MLH3: variants seen among roughly 807,000 people sequenced by gnomAD.
MLH3 encodes DNA mismatch repair protein Mlh3.
MLH3 carries 82 observed loss-of-function variants against 122.2 expected under a neutral mutation model. The ratio of observed to expected loss-of-function variants is 0.67; its 90% CI spans 0.56 to 0.81. The LOEUF (loss-of-function observed/expected upper bound fraction) is 0.81, where lower values mean the gene tolerates loss of function less well. Among genes scored for constraint, MLH3 ranks in the 30% least tolerant of loss-of-function variants. MLH3 has a pLI of 0.00. For missense variants in MLH3, 1,539 were observed against 1,714.5 expected (o/e 0.90, Z 1.81); for synonymous variants, 524 against 599.5 (o/e 0.87, Z 1.84).
At chr14:75,031,102 G>A (rs547135666) in intron 8 of MLH3, among the ~76,000 whole-genome samples, 59 of 152,260 alleles carry the variant, frequency 3.9e-4, no homozygotes, top group African/African-American at 1.3e-3. Flanking sequence ...CCTGACTAAC[G>A]GGATGTAAGT....
chr14:75,042,251 C>T, intron 3 of MLH3, 128 bp downstream of exon 3: 1 of 809,436 alleles, frequency 1.2e-6, no homozygotes. Context: ...TTAAACAGGG[C>T]CGTGGGGAAT....
chr14:75,014,901 G>A lies in MLH3; in HGVS notation c.*2181C>T, dbSNP rs962582050. The A allele has an allele frequency of 1.7e-5, 3 of 179,780 alleles. No homozygotes were observed. Among genetic ancestry groups the A allele is most frequent in the African/African-American group, 7.1e-5 (3 of 42,384 alleles). 11.1% of individuals were successfully genotyped at this position (179,780 alleles called of 1,614,324 possible). The stretch of plus-strand genomic sequence containing the variant: ...TCTGAATTCTGGCTCTTACAGCTAA[G>A]CCTTCAGCAAACCAGTTAACAGCTC... On this transcript the variant is annotated 3_prime_UTR_variant, in exon 13 of 13. Coordinates refer to ENST00000355774, the MANE Select transcript of MLH3 (RefSeq NM_001040108.2).
rs1254846913 is a variant in MLH3, at chr14:75,014,097, G to A, written c.*2985C>T. 7 of 177,806 alleles carry A rather than the reference G, an allele frequency of 3.9e-5. No individual in the cohort carries two copies. The highest frequency in any genetic ancestry group is 7.2e-5 in the Non-Finnish European group (6 of 82,902). 11.0% of individuals were successfully genotyped at this position (177,806 alleles called of 1,614,324 possible). A position where few individuals can be genotyped will look rare whatever the true frequency, so the allele number is the denominator to read the frequency against. On this transcript the variant is annotated 3_prime_UTR_variant, in exon 13 of 13. Transcript: ENST00000355774. ...CTGGCTCCCACCCGAAGCTTCAGCT[G>A]AGCTGGCTTGTCAGGGCTCGCTAGG...
intron 6 of MLH3, among the ~76,000 whole-genome samples, chr14:75,035,535 AAC>A (rs1300521401): frequency 9.2e-5 from 14 of 152,070 alleles, no homozygotes; most frequent in African/African-American, 3.1e-4. Context: ...AAACAACAAC[AAC>A]AAAAAACTAT....
chr14:75,019,582 G>GTT (rs958110332), intron 11 of MLH3, among the ~76,000 whole-genome samples: 5 of 152,074 alleles, frequency 3.3e-5, no homozygotes, highest in African/African-American at 1.2e-4. Flanking sequence ...GGCTTTCAGA[G>GTT]TTTTTCTCCA....
At position 75,030,688 on chromosome 14, in the gene MLH3, T is replaced by C. The variant is rs1890990437; in HGVS notation, c.3842A>G (p.Asn1281Ser). Residue 1281 changes from asparagine to serine, a missense_variant, in exon 9 of 13, where the codon AAT (asparagine) becomes AGT (serine). By Grantham distance (46) the Asn-to-Ser change is conservative. Coordinates refer to ENST00000355774, the MANE Select transcript of MLH3 (RefSeq NM_001040108.2). ...QRRLLWCYHK[N>S]LEDLGLEFVF... Reference sequence around the variant, plus strand: ...AAATTCAAGGCCCAGATCTTCCAGATTTTTGTGGTAACACCTAAAGAGATA... The same window carrying C: ...AAATTCAAGGCCCAGATCTTCCAGACTTTTGTGGTAACACCTAAAGAGATA... 1 of 1,613,842 alleles carries C rather than the reference T, an allele frequency of 6.2e-7. No homozygotes were observed. Among genetic ancestry groups the C allele is most frequent in the East Asian group, 2.2e-5 (1 of 44,876 alleles).
chr14:75,046,200 G>T (rs1200850362), intron 2 of MLH3, among the ~76,000 whole-genome samples, 176 bp downstream of exon 2: 1 of 145,102 alleles, frequency 6.9e-6, no homozygotes, highest in African/African-American at 2.5e-5. Flanking sequence ...AAAAAAAAAA[G>T]TAGTGTTGGA....
Position 75,049,713 on chromosome 14 carries a change from A to C in MLH3, c.-58T>G. On this transcript the variant is annotated 5_prime_UTR_variant, in exon 2 of 13. The change creates a new upstream start codon in the 5' untranslated region. Transcript: ENST00000355774. ...CTGGTTTCCTTCTCTGACTGGAAATAATTGCCTATTGGAGAAAAAAACCAC... is the reference window on the plus strand; with the variant it reads ...CTGGTTTCCTTCTCTGACTGGAAATCATTGCCTATTGGAGAAAAAAACCAC... 5.2e-6 allele frequency: 8 copies of C among 1,550,384 alleles called. No homozygotes were observed. The highest frequency in any genetic ancestry group is 7.0e-6 in the Non-Finnish European group (8 of 1,135,826).
At position 75,046,542 on chromosome 14, in the gene MLH3, G is replaced by GT. The variant is rs750375406; in HGVS notation, c.3113dup (p.Asn1038LysfsTer35). 1.2e-5 allele frequency: 19 copies of GT among 1,614,188 alleles called. No individual in the cohort carries two copies. The highest frequency in any genetic ancestry group is 3.3e-5 in the Admixed American group (2 of 60,022). ...GCCGCTGCCAATCTGAACAACACGT[G>GT]TTTGACTCTTCAGTTTCAGAACAAG... On this transcript the variant is annotated frameshift_variant, in exon 2 of 13. Coordinates refer to ENST00000355774, the MANE Select transcript of MLH3 (RefSeq NM_001040108.2). LOFTEE classifies it high-confidence loss of function.
intron 2 of MLH3, among the ~76,000 whole-genome samples, chr14:75,043,267 CA>C (rs1401520713): frequency 1.3e-5 from 2 of 152,370 alleles, no homozygotes; most frequent in African/African-American, 4.8e-5. Context: ...GCAACCTTCA[CA>C]AATCTCCAAC....
chr14:75,042,355 C>T (rs982793084), intron 3 of MLH3, 24 bp downstream of exon 3: 8 of 1,597,612 alleles, frequency 5.0e-6, no homozygotes, highest in Admixed American at 1.7e-5. Context: ...TACTGTGTGC[C>T]CCAGCACTCT....
chr14:75,048,117 C>G lies in MLH3; in HGVS notation c.1539G>C (p.Gln513His), dbSNP rs1486746842. The change falls in exon 2 of 13, where the codon CAG becomes CAC. Residue 513 changes from glutamine (Q) to histidine (H), a missense_variant. Physicochemically the swap from Gln to His is conservative, Grantham distance 24. Coordinates refer to ENST00000355774, the MANE Select transcript of MLH3 (RefSeq NM_001040108.2). ...TSLEMFLSPF[Q>H]TPCHFEESGQ... ...CACTCTCCTCAAAGTGACATGGTGT[C>G]TGAAAAGGGCTTAAAAACATTTCTA... 3 of 1,614,074 alleles carry G rather than the reference C, an allele frequency of 1.9e-6. No homozygotes were observed. In the Admixed American group the frequency reaches 5.0e-5, roughly 27 times the overall value.
rs758013836 is a variant in MLH3, at chr14:75,022,963, G to C, written c.4011+32C>G. The C allele has an allele frequency of 1.9e-6, 3 of 1,614,006 alleles. No individual in the cohort carries two copies. In the South Asian group the frequency reaches 3.3e-5, roughly 18 times the overall value. On this transcript the variant is annotated intron_variant, in intron 10 of 12. Transcript: ENST00000355774. Reference sequence around the variant, plus strand: ...GAAGCCTTTTATGTGTGGTGCTTCTGTGTGAAACCCCAAAATAAAGGAAAA... The same window carrying C: ...GAAGCCTTTTATGTGTGGTGCTTCTCTGTGAAACCCCAAAATAAAGGAAAA...
Position 75,039,846 on chromosome 14 carries a change from C to CATATATATATAT in MLH3, c.3570+53_3570+64dup, listed in dbSNP as rs145063005. 7.2e-3 allele frequency: 2,303 copies of CATATATATATAT among 320,884 alleles called. 87 individuals are homozygous for CATATATATATAT. Among genetic ancestry groups the CATATATATATAT allele is most frequent in the African/African-American group, 0.012 (325 of 28,178 alleles). 19.9% of individuals were successfully genotyped at this position (320,884 alleles called of 1,614,324 possible). ...AAATCAAATTTTAGAAGAGTTAGGC[C>CATATATATATAT]ATATATATATATATATATATATATA... On this transcript the variant is annotated intron_variant, in intron 5 of 12. Coordinates refer to ENST00000355774, the MANE Select transcript of MLH3 (RefSeq NM_001040108.2).
At chr14:75,033,292 A>T (rs1016340503) in intron 7 of MLH3, 127 bp downstream of exon 7, 25 of 758,874 alleles carry the variant, frequency 3.3e-5, no homozygotes, top group Middle Eastern at 4.6e-4. Flanking sequence ...GCAGGACTTT[A>T]GTTTAATTTT....
intron 11 of MLH3, 131 bp from the exon 12 acceptor site, chr14:75,019,111 C>A: frequency 1.1e-6 from 1 of 874,116 alleles, no homozygotes; most frequent in South Asian, 1.6e-5. Flanking sequence ...TTTAATCCTG[C>A]TTGAAATTGG....
In MLH3 at chr14:75,048,624, C is replaced by T; in HGVS notation, c.1032G>A (p.Val344=). 6.2e-7 allele frequency: 1 copy of T among 1,614,104 alleles called. No individual in the cohort carries two copies. The highest frequency in any genetic ancestry group is 8.5e-7 in the Non-Finnish European group (1 of 1,180,012). Residue 344 remains valine (V), a synonymous_variant, in exon 2 of 13, where the codon GTG becomes GTA. Coordinates refer to ENST00000355774, the MANE Select transcript of MLH3 (RefSeq NM_001040108.2). ...DTLLFCIQEG[V]KMFLKQEKLF... ...ATTTTTCTTGCTTTAAAAACATTTT[C>T]ACTCCTTCCTGAATGCAAAACAAGA...
At chr14:75,038,318 T>G (rs1015033870) in intron 6 of MLH3, 22 bp downstream of exon 6, 2 of 1,581,598 alleles carry the variant, frequency 1.3e-6, no homozygotes, top group Admixed American at 3.3e-5. Flanking sequence ...GGTTAATCAT[T>G]CAGGCTAAAC....
Position 75,047,581 on chromosome 14 carries a change from G to A in MLH3, c.2075C>T (p.Thr692Ile), listed in dbSNP as rs758928746. 4 of 1,614,010 alleles carry A rather than the reference G, an allele frequency of 2.5e-6. No individual in the cohort carries two copies. The highest frequency in any genetic ancestry group is 3.4e-6 in the Non-Finnish European group (4 of 1,180,012). Residue 692 changes from threonine (T) to isoleucine (I), a missense_variant, in exon 2 of 13, where the codon ACA becomes ATA. Physicochemically the swap from Thr to Ile is moderately conservative, Grantham distance 89 (BLOSUM62 -1). Coordinates refer to ENST00000355774, the MANE Select transcript of MLH3 (RefSeq NM_001040108.2). ...GLENEPTATY[T>I]MFSAFQEGSK... is the part of the protein sequence containing the mutation. ...ACCTTCCTGAAAAGCAGAAAACATT[G>A]TATAAGTTGCTGTAGGTTCATTCTC... is the stretch of plus-strand genomic sequence containing the variant.
Sources: allele counts gnomAD v4.1 joint callset (sites outside exome capture counted in the v4.1 genomes callset), GRCh38; gene constraint gnomAD v4.1.1; transcripts MANE v1.5; gene names NCBI Gene and HGNC (gene_info 2026-07-23, HGNC 2026-07-21).